C3orf49: variants seen among roughly 807,000 people sequenced by gnomAD.
C3orf49 encodes chromosome 3 open reading frame 49, also known as putative uncharacterized protein C3orf49.
Under a neutral mutation model 13.3 loss-of-function variants are expected in C3orf49, and 27 were observed. That is an observed-to-expected ratio of 2.02 (90% CI 1.49 to 2.79). C3orf49 has a LOEUF of 2.79. Among genes scored for constraint, C3orf49 ranks in the 30% most tolerant of loss-of-function variants. The probability of loss-of-function intolerance (pLI) is 0.00; values close to 1 mark genes in which losing one functional copy is unlikely to be tolerated. For synonymous variants in C3orf49, 87 were observed against 47.6 expected (o/e 1.83, Z -3.40); for missense variants, 242 against 134.2 (o/e 1.80, Z -3.97).
the C3orf49 span, among the ~76,000 whole-genome samples, chr3:63,780,160 GC>G: frequency 3.9e-4 from 60 of 152,138 alleles, no homozygotes; most frequent in African/African-American, 1.4e-3. Context: ...CCCAAAAAAG[GC>G]CCCGGTGTGT....
chr3:63,806,626 T>C, the C3orf49 span, among the ~76,000 whole-genome samples: 2 of 152,218 alleles, frequency 1.3e-5, no homozygotes, highest in African/African-American at 2.4e-5. Context: ...ACGTCCCTTT[T>C]CATATGCTCG....
At chr3:63,784,881 A>G in the C3orf49 span, 1 of 152,118 alleles carries the variant, frequency 6.6e-6, no homozygotes, top group South Asian at 2.1e-4. Context: ...AAGTGTTAGA[A>G]AGGCTAATTG....
chr3:63,823,199 C>T, intron 1 of C3orf49, 51 bp from the exon 2 acceptor site: 3 of 592,742 alleles, frequency 5.1e-6, no homozygotes, highest in Non-Finnish European at 9.0e-6. Context: ...TTAAATTTTT[C>T]ACTTTTAACT....
intron 5 of C3orf49, chr3:63,839,509 C>G: frequency 2.7e-6 from 2 of 727,880 alleles, no homozygotes; most frequent in Non-Finnish European, 4.8e-6. Flanking sequence ...GAAGAAAAGG[C>G]CAAGAAAATC....
intron 6 of C3orf49, among the ~76,000 whole-genome samples, chr3:63,847,214 T>G (rs1478812757): frequency 6.6e-6 from 1 of 152,134 alleles, no homozygotes; most frequent in Non-Finnish European, 1.5e-5. Context: ...TTCCTATAAA[T>G]CTGGTATGTA....
At chr3:63,804,174 TTG>T in the C3orf49 span, among the ~76,000 whole-genome samples, 1 of 152,098 alleles carries the variant, frequency 6.6e-6, no homozygotes, top group African/African-American at 2.4e-5. Flanking sequence ...CCACCTTCTG[TTG>T]TGTGGCCCAG....
chr3:63,843,044 T>A (rs1313071661), intron 5 of C3orf49, among the ~76,000 whole-genome samples: 2 of 151,688 alleles, frequency 1.3e-5, no homozygotes, highest in African/African-American at 2.4e-5. Context: ...TGCCTCAACC[T>A]CCCAAGTGCT....
chr3:63,785,065 C>CTTTTTTTTTTT, the C3orf49 span, among the ~76,000 whole-genome samples: 58 of 64,966 alleles, frequency 8.9e-4, no homozygotes, highest in African/African-American at 2.8e-3. Context: ...TCTTCTTCTT[C>CTTTTTTTTTTT]TTTTTTTTTT....
chr3:63,844,030 G>T, intron 5 of C3orf49, among the ~76,000 whole-genome samples: 1 of 152,040 alleles, frequency 6.6e-6, no homozygotes, highest in East Asian at 1.9e-4. Flanking sequence ...ATAAAAAGGA[G>T]GACATCCTGT....
At chr3:63,839,832 A>G (rs1010374386) in intron 5 of C3orf49, 3 of 1,335,074 alleles carry the variant, frequency 2.2e-6, no homozygotes, top group African/African-American at 2.9e-5. Flanking sequence ...AGTACAAATA[A>G]CCAGTATCAC....
At chr3:63,819,676 T>C in intron 1 of C3orf49, 80 bp downstream of exon 1, 1 of 688,406 alleles carries the variant, frequency 1.5e-6, no homozygotes, top group Non-Finnish European at 2.7e-6. Context: ...AAGCATTGCA[T>C]TTAGGAATGA....
chr3:63,797,714 C>A, the C3orf49 span, among the ~76,000 whole-genome samples: 1 of 152,102 alleles, frequency 6.6e-6, no homozygotes, highest in African/African-American at 2.4e-5. Flanking sequence ...TGCCCTAAGG[C>A]GTCCAAGAAA....
intron 5 of C3orf49, among the ~76,000 whole-genome samples, chr3:63,843,801 T>C (rs1337022930): frequency 1.3e-5 from 2 of 151,808 alleles, no homozygotes; most frequent in African/African-American, 4.8e-5. Context: ...CTCAGAAGGC[T>C]GAGGCAGGAG....
chr3:63,837,982 G>A (rs766459807), intron 5 of C3orf49: 7 of 1,606,658 alleles, frequency 4.4e-6, no homozygotes, highest in South Asian at 1.1e-5. Context: ...TTACCTTGGC[G>A]ATTTTTTCGT....
rs539649137 is a variant in C3orf49, at chr3:63,831,489, G to A, written c.685-191G>A. 2.9e-3 allele frequency among the ~76,000 whole-genome samples: 444 copies of A among 152,278 alleles called. 2 individuals carry two copies. Among genetic ancestry groups the A allele is most frequent in the South Asian group, 0.018 (88 of 4,822 alleles). On this transcript the variant is annotated intron_variant, in intron 4 of 6. Transcript: ENST00000295896. ...GTTTCTTTTCAGAAGAACTGAGATT[G>A]TCTTTATCACTGGGTGGTAAATGTA...
the C3orf49 span, among the ~76,000 whole-genome samples, chr3:63,812,974 G>A: frequency 6.6e-6 from 1 of 152,120 alleles, no homozygotes; most frequent in Non-Finnish European, 1.5e-5. Flanking sequence ...ATGCCTGTTG[G>A]CATGTGAATG....
At chr3:63,846,757 T>C (rs1340829650) in intron 6 of C3orf49, among the ~76,000 whole-genome samples, 1 of 152,112 alleles carries the variant, frequency 6.6e-6, no homozygotes, top group Non-Finnish European at 1.5e-5. Context: ...TACCAACTAG[T>C]ATATGTGTTG....
intron 5 of C3orf49, chr3:63,834,324 G>A: frequency 3.5e-6 from 3 of 848,740 alleles, no homozygotes; most frequent in African/African-American, 1.7e-5. Flanking sequence ...GCTACTAGTT[G>A]AATCAAACTT....
intron 5 of C3orf49, chr3:63,837,952 C>T (rs1049067215): frequency 6.3e-6 from 10 of 1,597,004 alleles, no homozygotes; most frequent in African/African-American, 2.7e-5. Context: ...TGTATTTGCA[C>T]ATTAAATCCC....
Sources: gnomAD v4.1 joint callset for allele counts (sites outside exome capture counted in the v4.1 genomes callset) on GRCh38, gnomAD v4.1.1 for gene constraint, MANE v1.5 for transcripts, NCBI Gene and HGNC (gene_info 2026-07-23, HGNC 2026-07-21) for gene names.